The following CDKAL1 variants were observed in gnomAD, a reference collection of about 807,000 sequenced individuals.
CDKAL1 encodes CDKAL1 threonylcarbamoyladenosine tRNA methylthiotransferase.
In CDKAL1, 32 loss-of-function variants were observed where a neutral mutation model predicts 68.2. The observed-to-expected ratio is 0.47, with a 90% confidence interval of 0.35 to 0.63. The LOEUF (loss-of-function observed/expected upper bound fraction) is 0.63, where lower values mean the gene tolerates loss of function less well. Among genes scored for constraint, CDKAL1 ranks in the 30% least tolerant of loss-of-function variants. The pLI is 0.00. For synonymous variants in CDKAL1, 234 were observed against 244.3 expected (o/e 0.96, Z 0.39); for missense variants, 606 against 696.7 (o/e 0.87, Z 1.47).
intron 7 of CDKAL1, among the ~76,000 whole-genome samples, chr6:20,777,189 A>T (rs1775207867): frequency 6.6e-6 from 1 of 152,236 alleles, no homozygotes; most frequent in Non-Finnish European, 1.5e-5. Flanking sequence ...TGGGCTTTGT[A>T]AGAAATACTG....
At chr6:20,742,330 A>G (rs1399866228) in intron 6 of CDKAL1, among the ~76,000 whole-genome samples, 1 of 151,314 alleles carries the variant, frequency 6.6e-6, no homozygotes, top group Non-Finnish European at 1.5e-5. Context: ...TGTTACCACT[A>G]GTAGTCTTTA....
chr6:20,670,634 G>T (rs1769767916), intron 5 of CDKAL1, among the ~76,000 whole-genome samples: 1 of 152,144 alleles, frequency 6.6e-6, no homozygotes, highest in South Asian at 2.1e-4. Flanking sequence ...AGGAAGAGTG[G>T]TCTCTTATTC....
chr6:20,747,089 G>A lies in CDKAL1; in HGVS notation c.468+7474G>A, dbSNP rs150607251. 2.5e-3 allele frequency among the ~76,000 whole-genome samples: 382 copies of A among 152,066 alleles called. 3 individuals carry two copies. Among genetic ancestry groups the A allele is most frequent in the African/African-American group, 7.7e-3 (320 of 41,440 alleles). ...AGCTTTTACACACAATTGAAATCAT[G>A]CATTTTTTTTTCCCAGTGTCTGGCT... is the stretch of plus-strand genomic sequence containing the variant. On this transcript the variant is annotated intron_variant, in intron 6 of 15. Transcript: ENST00000274695.
chr6:20,583,178 T>G (rs1442892616), intron 4 of CDKAL1, among the ~76,000 whole-genome samples: 2 of 152,214 alleles, frequency 1.3e-5, no homozygotes, highest in African/African-American at 4.8e-5. Context: ...TTTTTCATGC[T>G]GTTCTATTCA....
intron 7 of CDKAL1, among the ~76,000 whole-genome samples, chr6:20,762,593 T>C (rs1185948349): frequency 1.3e-5 from 2 of 152,196 alleles, no homozygotes; most frequent in Non-Finnish European, 2.9e-5. Flanking sequence ...TTACAGCAGT[T>C]AGCCAGTTGT....
At chr6:20,860,835 AT>A (rs1167117527) in intron 9 of CDKAL1, among the ~76,000 whole-genome samples, 5 of 152,074 alleles carry the variant, frequency 3.3e-5, no homozygotes, top group African/African-American at 9.7e-5. Context: ...AAAAAAAAAA[AT>A]ACTTGCTGAA....
intron 5 of CDKAL1, chr6:20,722,517 C>T: frequency 3.0e-6 from 1 of 335,298 alleles, no homozygotes; most frequent in Admixed American, 3.4e-5. Flanking sequence ...CCCACCATAG[C>T]CACTCTGCTT....
At chr6:21,196,315 T>C (rs1482203805) in intron 13 of CDKAL1, among the ~76,000 whole-genome samples, 2 of 152,234 alleles carry the variant, frequency 1.3e-5, no homozygotes, top group African/African-American at 4.8e-5. Context: ...TTCTAAGTTT[T>C]CTTCTAGAAG....
At chr6:20,727,178 TA>T (rs1772693508) in intron 5 of CDKAL1, among the ~76,000 whole-genome samples, 1 of 152,134 alleles carries the variant, frequency 6.6e-6, no homozygotes. Flanking sequence ...GACCCACAGG[TA>T]ACTGTTTCCT....
chr6:21,185,487 A>G lies in CDKAL1; in HGVS notation c.1300-12534A>G, dbSNP rs565993555. On this transcript the variant is annotated intron_variant, in intron 13 of 15. Coordinates refer to ENST00000274695, the MANE Select transcript of CDKAL1 (RefSeq NM_017774.3). ...TCTTTTATTCTTGGTTTAAATGTATACAAAAACTACCTACATGCTCACCTA... is the reference window on the plus strand; with the variant it reads ...TCTTTTATTCTTGGTTTAAATGTATGCAAAAACTACCTACATGCTCACCTA... Among the ~76,000 whole-genome samples the G allele has an allele frequency of 6.6e-5, 10 of 152,320 alleles. No homozygotes were observed. The East Asian group carries it at 1.5e-3, about 23-fold the overall frequency.
intron 8 of CDKAL1, among the ~76,000 whole-genome samples, chr6:20,817,049 T>C (rs1171349343): frequency 6.6e-6 from 1 of 152,180 alleles, no homozygotes; most frequent in Non-Finnish European, 1.5e-5. Flanking sequence ...CATATGCTAT[T>C]TTTCTTTAAC....
intron 8 of CDKAL1, among the ~76,000 whole-genome samples, chr6:20,842,304 G>A (rs1211606209): frequency 3.3e-5 from 5 of 152,048 alleles, no homozygotes; most frequent in African/African-American, 9.7e-5. Flanking sequence ...TAAGACAATA[G>A]CAAATTAGAT....
chr6:20,587,291 T>C (rs969787088), intron 4 of CDKAL1, among the ~76,000 whole-genome samples: 1 of 152,068 alleles, frequency 6.6e-6, no homozygotes, highest in African/African-American at 2.4e-5. Context: ...CTGGCCTCCT[T>C]CTTTTCATTT....
At chr6:20,869,845 A>G (rs1760108508) in intron 9 of CDKAL1, among the ~76,000 whole-genome samples, 1 of 152,210 alleles carries the variant, frequency 6.6e-6, no homozygotes, top group Non-Finnish European at 1.5e-5. Context: ...ATGAAGTAGC[A>G]TCTGATGGCT....
chr6:21,215,513 C>T (rs183351340), intron 15 of CDKAL1, among the ~76,000 whole-genome samples: 88 of 152,312 alleles, frequency 5.8e-4, no homozygotes, highest in African/African-American at 1.9e-3. Flanking sequence ...TCCTTTTCTA[C>T]GTCCCCAGAA....
At chr6:20,831,708 C>T (rs1293945695) in intron 8 of CDKAL1, among the ~76,000 whole-genome samples, 2 of 152,158 alleles carry the variant, frequency 1.3e-5, no homozygotes, top group African/African-American at 4.8e-5. Flanking sequence ...TCGCACATCA[C>T]AATCTGATCA....
intron 11 of CDKAL1, among the ~76,000 whole-genome samples, chr6:21,016,962 A>G (rs1002500624): frequency 1.3e-5 from 2 of 152,320 alleles, no homozygotes; most frequent in East Asian, 1.9e-4. Flanking sequence ...TTCTAAAATA[A>G]AAACGTTGTA....
intron 5 of CDKAL1, among the ~76,000 whole-genome samples, chr6:20,681,131 A>T (rs1490584349): frequency 6.6e-6 from 1 of 152,144 alleles, no homozygotes; most frequent in Non-Finnish European, 1.5e-5. Flanking sequence ...GGTCCACTTT[A>T]CCCTAGTTGT....
At chr6:20,690,102 T>G (rs1032014448) in intron 5 of CDKAL1, among the ~76,000 whole-genome samples, 4 of 152,226 alleles carry the variant, frequency 2.6e-5, no homozygotes, top group African/African-American at 9.6e-5. Context: ...GCCAATCTTT[T>G]TTCTGTATTG....
Sources: gnomAD v4.1 joint callset for allele counts (sites outside exome capture counted in the v4.1 genomes callset) on GRCh38, gnomAD v4.1.1 for gene constraint, MANE v1.5 for transcripts, NCBI Gene and HGNC (gene_info 2026-07-23, HGNC 2026-07-21) for gene names.